The following POTEC variants were observed in gnomAD, a reference collection of about 807,000 sequenced individuals.
The protein encoded by POTEC is ANKRD26-like family B member 2.
A neutral mutation model predicts 62.0 loss-of-function variants in POTEC; 35 were observed. That is an observed-to-expected ratio of 0.56 (90% CI 0.43 to 0.75). The LOEUF is 0.75. Ranked by LOEUF, POTEC falls within the 30% of genes least tolerant of loss-of-function variation. The probability of loss-of-function intolerance (pLI) is 0.00; values close to 1 mark genes in which losing one functional copy is unlikely to be tolerated. For synonymous variants in POTEC, 156 were observed against 221.5 expected (o/e 0.70, Z 2.62); for missense variants, 472 against 655.9 (o/e 0.72, Z 3.06).
chr18:14,539,943 A>G (rs1013116406), intron 1 of POTEC, among the ~76,000 whole-genome samples: 7 of 152,136 alleles, frequency 4.6e-5, no homozygotes, highest in Non-Finnish European at 7.3e-5. Flanking sequence ...TTTGATGACT[A>G]AACGGATTGA....
rs771457887 is a variant in POTEC, at chr18:14,543,172, G to A, written c.-26C>T. On this transcript the variant is annotated 5_prime_UTR_variant, in exon 1 of 11. Coordinates refer to ENST00000358970, the MANE Select transcript of POTEC (RefSeq NM_001137671.2). ...CTGCTTTTAACAGCCCGGGGAGGCCGGTAGTAGCGAACAGATCGCGTCTAC... is the reference window on the plus strand; with the variant it reads ...CTGCTTTTAACAGCCCGGGGAGGCCAGTAGTAGCGAACAGATCGCGTCTAC... 1.2e-4 allele frequency: 187 copies of A among 1,613,706 alleles called. 2 individuals carry two copies. Among genetic ancestry groups the A allele is most frequent in the Non-Finnish European group, 1.1e-4 (124 of 1,179,778 alleles).
intron 9 of POTEC, among the ~76,000 whole-genome samples, chr18:14,517,698 T>C (rs1021998516): frequency 9.2e-5 from 14 of 152,212 alleles, no homozygotes; most frequent in Non-Finnish European, 1.3e-4. Flanking sequence ...CCCATCTTTA[T>C]TAAAAATACA....
At chr18:14,513,884 C>A (rs1910080512) in intron 9 of POTEC, 99 bp from the exon 10 acceptor site, 4 of 1,582,144 alleles carry the variant, frequency 2.5e-6, no homozygotes, top group Admixed American at 3.6e-5. Flanking sequence ...CAATGCATAT[C>A]TGCACATTAA....
At chr18:14,535,266 T>C (rs1439510573) in intron 3 of POTEC, among the ~76,000 whole-genome samples, 1 of 145,134 alleles carries the variant, frequency 6.9e-6, no homozygotes, top group Non-Finnish European at 1.5e-5. Flanking sequence ...TAAACGAGCA[T>C]TTGGCATGGC....
chr18:14,542,852 C>T lies in POTEC; in HGVS notation c.295G>A (p.Gly99Ser). 2 of 1,609,796 alleles carry T rather than the reference C, an allele frequency of 1.2e-6. No homozygotes were observed. Among genetic ancestry groups the T allele is most frequent in the African/African-American group, 1.3e-5 (1 of 74,764 alleles). The change falls in exon 1 of 11, where the codon GGC becomes AGC. Residue 99 changes from glycine to serine, a missense_variant. Gly to Ser is a moderately conservative substitution (Grantham distance 56, BLOSUM62 0). This residue lies in a region of POTEC where 257 missense variants were observed against 250.7 expected (regional missense o/e 1.03). Coordinates refer to ENST00000358970, the MANE Select transcript of POTEC (RefSeq NM_001137671.2). ...SFMKTLRSKMGKWCCHCFPCC... is the reference protein window; with the variant it reads ...SFMKTLRSKMSKWCCHCFPCC... ...GGGAAGCAGTGACAGCACCACTTGC[C>T]CATCTTGCTCCTGAGCGTCTTCATA... is the stretch of plus-strand genomic sequence containing the variant.
intron 9 of POTEC, among the ~76,000 whole-genome samples, chr18:14,520,061 G>A (rs1910271551): frequency 6.6e-6 from 1 of 152,076 alleles, no homozygotes. Context: ...GAGATCAAGA[G>A]TGAATGAAAA....
chr18:14,513,692 T>C lies in POTEC; in HGVS notation c.1503A>G (p.Ile501Met). 6.2e-7 allele frequency: 1 copy of C among 1,611,856 alleles called. No individual in the cohort carries two copies. Among genetic ancestry groups the C allele is most frequent in the Non-Finnish European group, 8.5e-7 (1 of 1,179,804 alleles). Reference protein sequence around the residue: ...DEILTNKQKQIEVAEKKMNSE... With the variant: ...DEILTNKQKQMEVAEKKMNSE... ...AATTCATTTTCTTTTCAGCCACTTC[T>C]ATCTGCTTTTGTTTATTAGTCAGAA... The change falls in exon 10 of 11, where the codon ATA becomes ATG. Residue 501 changes from isoleucine (I) to methionine (M), a missense_variant. Transcript: ENST00000358970.
At chr18:14,534,344 A>C (rs1905634714) in intron 4 of POTEC, among the ~76,000 whole-genome samples, 1 of 151,984 alleles carries the variant, frequency 6.6e-6, no homozygotes, top group African/African-American at 2.4e-5. Context: ...ATCAAAATAC[A>C]CTGGAAATAA....
chr18:14,529,084 T>G (rs1193706923), intron 6 of POTEC: 4 of 447,192 alleles, frequency 8.9e-6, no homozygotes, highest in African/African-American at 6.1e-5. Context: ...TTACCTTGAA[T>G]CATACCTACT....
In POTEC at chr18:14,510,490, T is replaced by C. The variant is rs966871256; in HGVS notation, c.*1408A>G. The stretch of plus-strand genomic sequence containing the variant: ...GGAAATGGGCACCCACATAACAGTC[T>C]GGCCACTTTTCTGTGGGGCTGCCGT... On this transcript the variant is annotated 3_prime_UTR_variant, in exon 11 of 11. Coordinates refer to ENST00000358970, the MANE Select transcript of POTEC (RefSeq NM_001137671.2). The C allele has an allele frequency of 2.0e-5, 3 of 151,852 alleles. No homozygotes were observed. Among genetic ancestry groups the C allele is most frequent in the Non-Finnish European group, 4.4e-5 (3 of 67,960 alleles). 9.4% of individuals were successfully genotyped at this position (151,852 alleles called of 1,614,324 possible).
rs973768392 is a variant in POTEC, at chr18:14,509,646, C to G, written c.*2252G>C. On this transcript the variant is annotated 3_prime_UTR_variant, in exon 11 of 11. Coordinates refer to ENST00000358970, the MANE Select transcript of POTEC (RefSeq NM_001137671.2). ...ACTGATCAGGCACGGTCCGCTTGTACAGAAGCTATGGTGTGGGCACCCGAA... is the reference window on the plus strand; with the variant it reads ...ACTGATCAGGCACGGTCCGCTTGTAGAGAAGCTATGGTGTGGGCACCCGAA... 6 of 151,794 alleles carry G rather than the reference C, an allele frequency of 4.0e-5. No individual in the cohort carries two copies. The highest frequency in any genetic ancestry group is 8.8e-5 in the Non-Finnish European group (6 of 67,992). 9.4% of individuals were successfully genotyped at this position (151,794 alleles called of 1,614,324 possible). A position where few individuals can be genotyped will look rare whatever the true frequency, so the allele number is the denominator to read the frequency against.
At position 14,537,880 on chromosome 18, in the gene POTEC, T is replaced by C. The variant is rs1410367983; in HGVS notation, c.731A>G (p.His244Arg). Residue 244 changes from histidine to arginine, a missense_variant, in exon 3 of 11, where the codon CAC (histidine) becomes CGC (arginine). Transcript: ENST00000358970. ...IPDEYGNTTL[H>R]YAVHNEDKLM... is the part of the protein sequence containing the mutation. Reference sequence around the variant, plus strand: ...TTTATCTTCATTGTGGACAGCATAGTGTAGAGTGGTATTTCCATACTCATC... The same window carrying C: ...TTTATCTTCATTGTGGACAGCATAGCGTAGAGTGGTATTTCCATACTCATC... The C allele has an allele frequency of 3.1e-6, 5 of 1,612,248 alleles. No homozygotes were observed. The South Asian group carries it at 4.4e-5, about 14-fold the overall frequency.
intron 5 of POTEC, among the ~76,000 whole-genome samples, chr18:14,531,977 T>C (rs1392753680): frequency 6.6e-6 from 1 of 151,240 alleles, no homozygotes; most frequent in Non-Finnish European, 1.5e-5. Context: ...TTCATTATCA[T>C]GTAAATCAGA....
At chr18:14,514,562 G>A (rs71362465) in intron 9 of POTEC, among the ~76,000 whole-genome samples, 1 of 152,192 alleles carries the variant, frequency 6.6e-6, no homozygotes, top group Non-Finnish European at 1.5e-5. Flanking sequence ...ACAAGACAGG[G>A]TCTAATATTG....
intron 6 of POTEC, among the ~76,000 whole-genome samples, chr18:14,528,243 T>C (rs1458187704): frequency 6.6e-6 from 1 of 152,214 alleles, no homozygotes; most frequent in Non-Finnish European, 1.5e-5. Context: ...GTAACTTCCC[T>C]GCTCAAATTT....
At chr18:14,516,320 A>C (rs868712506) in intron 9 of POTEC, among the ~76,000 whole-genome samples, 4 of 70,726 alleles carry the variant, frequency 5.7e-5, no homozygotes, top group African/African-American at 2.0e-4. Flanking sequence ...ATATATATAT[A>C]TATATATATA....
In POTEC at chr18:14,531,020, C is replaced by T. The variant is rs1300247461; in HGVS notation, c.1056-467G>A. Among the ~76,000 whole-genome samples the T allele has an allele frequency of 2.6e-5, 4 of 151,892 alleles. No homozygotes were observed. The East Asian group carries it at 7.8e-4, about 30-fold the overall frequency. On this transcript the variant is annotated intron_variant, in intron 5 of 10. Transcript: ENST00000358970. ...AGCAATGGAATAATCTGTTCCTAAA[C>T]TTTATGACTAAAATTATCTTGGAAT...
intron 4 of POTEC, among the ~76,000 whole-genome samples, chr18:14,533,602 A>G (rs971174974): frequency 3.3e-5 from 5 of 152,178 alleles, no homozygotes; most frequent in Non-Finnish European, 5.9e-5. Flanking sequence ...CTGCATGCTG[A>G]AAGCAGTAAT....
chr18:14,524,744 C>A (rs1456072887), intron 7 of POTEC, among the ~76,000 whole-genome samples, 169 bp downstream of exon 7: 4 of 151,380 alleles, frequency 2.6e-5, no homozygotes, highest in Non-Finnish European at 5.9e-5. Flanking sequence ...AATGAGATTG[C>A]TGAATTTATT....
Sources: gnomAD v4.1 joint callset for allele counts (sites outside exome capture counted in the v4.1 genomes callset) on GRCh38, gnomAD v4.1.1 for gene constraint, gnomAD v4.1.1 regional missense constraint, MANE v1.5 for transcripts, NCBI Gene and HGNC (gene_info 2026-07-23, HGNC 2026-07-21) for gene names.